The following ZG16B variants were observed in gnomAD, a reference collection of about 807,000 sequenced individuals.
The protein encoded by ZG16B is zymogen granule protein 16B, also known as pancreatic adenocarcinoma up-regulated factor.
In ZG16B, 8 loss-of-function variants were observed where a neutral mutation model predicts 7.0. The observed-to-expected ratio is 1.15, with a 90% CI of 0.68 to 2.08. The LOEUF is 2.08. Among genes scored for constraint, ZG16B ranks in the 30% most tolerant of loss-of-function variants. ZG16B has a pLI of 0.00. For synonymous variants in ZG16B, 92 were observed against 86.1 expected, an observed-to-expected ratio of 1.07 and a Z score of -0.38; for missense variants, 232 against 211.0, an observed-to-expected ratio of 1.10 and a Z score of -0.62.
chr16:2,831,695 T>C (rs1475997236), intron 3 of ZG16B, 101 bp from the exon 4 acceptor site: 2 of 1,504,938 alleles, frequency 1.3e-6, no homozygotes, highest in Non-Finnish European at 1.8e-6. Flanking sequence ...CTGATGGTGC[T>C]GGACTCTCTG....
In ZG16B at chr16:2,832,138, A is replaced by C; in HGVS notation, c.498A>C (p.Ala166=). ...CACCAGTTAATCTCACATACTCAGC[A>C]AACTCACCCGTGGGTCGCTAGGGTG... ...TEPPVNLTYS[A]NSPVGR is the part of the protein sequence containing the mutation. The change falls in exon 4 of 4, where the codon GCA becomes GCC. Residue 166 remains alanine, a synonymous_variant. Transcript: ENST00000382280. 5 of 1,613,004 alleles carry C rather than the reference A, an allele frequency of 3.1e-6. No individual in the cohort carries two copies. The highest frequency in any genetic ancestry group is 4.2e-6 in the Non-Finnish European group (5 of 1,179,114).
rs1236227704 is a variant in ZG16B, at chr16:2,830,731, C to T, written c.90C>T (p.Thr30=). ...CTGGAGGAGGCAAGTATTTCAGCAC[C>T]ACTGAAGACTACGACCATGAAATCA... The part of the protein sequence containing the change: ...YGPGGGKYFS[T]TEDYDHEITG... Residue 30 remains threonine, a synonymous_variant, in exon 3 of 4, where the codon ACC becomes ACT. Transcript: ENST00000382280. 4 of 1,614,098 alleles carry T rather than the reference C, an allele frequency of 2.5e-6. No individual in the cohort carries two copies. Among genetic ancestry groups the T allele is most frequent in the South Asian group, 2.2e-5 (2 of 91,076 alleles).
chr16:2,831,722 A>G (rs2069257463), intron 3 of ZG16B, 74 bp from the exon 4 acceptor site: 1 of 1,539,048 alleles, frequency 6.5e-7, no homozygotes, highest in African/African-American at 1.4e-5. Flanking sequence ...GGGAAGGAGG[A>G]TGGGGGCGCT....
In ZG16B at chr16:2,830,399, T is replaced by A. The variant is rs1371057385; in HGVS notation, c.-27-16T>A. ...GCCCTTGCTTTGGAGTCAGGAGGCC[T>A]CTCTTCTTCCCACAGAGCCCTGGGA... is the stretch of plus-strand genomic sequence containing the variant. On this transcript the variant is annotated splice_polypyrimidine_tract_variant and intron_variant, in intron 1 of 3. Transcript: ENST00000382280. 1 of 1,604,998 alleles carries A rather than the reference T, an allele frequency of 6.2e-7. No individual in the cohort carries two copies. The highest frequency in any genetic ancestry group is 8.5e-7 in the Non-Finnish European group (1 of 1,175,688).
Position 2,830,555 on chromosome 16 carries a change from C to T in ZG16B, c.52+62C>T, listed in dbSNP as rs1337577181. 3 of 1,582,488 alleles carry T rather than the reference C, an allele frequency of 1.9e-6. No individual in the cohort carries two copies. The African/African-American group carries it at 4.0e-5, about 21-fold the overall frequency. ...TCCCTCCAGGAGAGCCAGGGACTCA[C>T]CCGGCCCTTGTCCCAGACTAACTCT... On this transcript the variant is annotated intron_variant, in intron 2 of 3. Coordinates refer to ENST00000382280, the MANE Select transcript of ZG16B (RefSeq NM_145252.3).
Position 2,832,090 on chromosome 16 carries a change from A to T in ZG16B, c.450A>T (p.Pro150=), listed in dbSNP as rs370609636. The T allele has an allele frequency of 1.1e-4, 173 of 1,614,068 alleles. 4 individuals carry two copies. In the East Asian group the frequency reaches 1.3e-3, roughly 12 times the overall value. ...GCATTGGCTTTGAATGGAATTATCC[A>T]CTAGAGGAGCCGACCACTGAGCCAC... ...IKSIGFEWNY[P]LEEPTTEPPV... The change falls in exon 4 of 4, where the codon CCA becomes CCT. Residue 150 remains proline (P), a synonymous_variant. Transcript: ENST00000382280.
rs778661027 is a variant in ZG16B at position 2,830,705 on chromosome 16, C to T, written c.64C>T (p.Pro22Ser). The change falls in exon 3 of 4, where the codon CCT (proline) becomes TCT (serine). Residue 22 changes from proline (P) to serine (S), a missense_variant. Coordinates refer to ENST00000382280, the MANE Select transcript of ZG16B (RefSeq NM_145252.3). ...TCTCTTTTCTTCAGAGATGTATGGC[C>T]CTGGAGGAGGCAAGTATTTCAGCAC... is the stretch of plus-strand genomic sequence containing the variant. The part of the protein sequence containing the change: ...GPTWAGKMYG[P>S]GGGKYFSTTE... The T allele has an allele frequency of 6.2e-7, 1 of 1,614,150 alleles. No individual in the cohort carries two copies. The highest frequency in any genetic ancestry group is 1.1e-5 in the South Asian group (1 of 91,080).
At position 2,831,791 on chromosome 16, in the gene ZG16B, C is replaced by T. The variant is rs778073854; in HGVS notation, c.156-5C>T. 6.2e-7 allele frequency: 1 copy of T among 1,608,290 alleles called. No individual in the cohort carries two copies. The highest frequency in any genetic ancestry group is 1.1e-5 in the South Asian group (1 of 90,628). ...TGGACGTCCAAAGCTTTGCCTCTCTCCCAGTGTCCAGGTGAAACTTGGAGA... is the reference window on the plus strand; with the variant it reads ...TGGACGTCCAAAGCTTTGCCTCTCTTCCAGTGTCCAGGTGAAACTTGGAGA... On this transcript the variant is annotated splice_polypyrimidine_tract_variant and splice_region_variant and intron_variant, in intron 3 of 3. Transcript: ENST00000382280.
chr16:2,832,118 G>T lies in ZG16B; in HGVS notation c.478G>T (p.Val160Phe), dbSNP rs1255464626. ...AGAGGAGCCGACCACTGAGCCACCAGTTAATCTCACATACTCAGCAAACTC... is the reference window on the plus strand; with the variant it reads ...AGAGGAGCCGACCACTGAGCCACCATTTAATCTCACATACTCAGCAAACTC... Reference protein sequence around the residue: ...PLEEPTTEPPVNLTYSANSPV... With the variant: ...PLEEPTTEPPFNLTYSANSPV... The change falls in exon 4 of 4, where the codon GTT becomes TTT. Residue 160 changes from valine (V) to phenylalanine (F), a missense_variant. Physicochemically the swap from Val to Phe is conservative, Grantham distance 50. Transcript: ENST00000382280. 1.2e-6 allele frequency: 2 copies of T among 1,614,104 alleles called. No individual in the cohort carries two copies. Among genetic ancestry groups the T allele is most frequent in the East Asian group, 4.5e-5 (2 of 44,882 alleles).
At chr16:2,831,603 G>C (rs1375802900) in intron 3 of ZG16B, among the ~76,000 whole-genome samples, 193 bp from the exon 4 acceptor site, 1 of 152,200 alleles carries the variant, frequency 6.6e-6, no homozygotes, top group Non-Finnish European at 1.5e-5. Context: ...GGAGAGGCTG[G>C]GTAACGAGCT....
Position 2,830,395 on chromosome 16 carries a change from G to T in ZG16B, c.-27-20G>T. 1 of 1,605,124 alleles carries T rather than the reference G, an allele frequency of 6.2e-7. No individual in the cohort carries two copies. Among genetic ancestry groups the T allele is most frequent in the South Asian group, 1.1e-5 (1 of 89,774 alleles). Reference sequence around the variant, plus strand: ...ACTGGCCCTTGCTTTGGAGTCAGGAGGCCTCTCTTCTTCCCACAGAGCCCT... The same window carrying T: ...ACTGGCCCTTGCTTTGGAGTCAGGATGCCTCTCTTCTTCCCACAGAGCCCT... On this transcript the variant is annotated intron_variant, in intron 1 of 3. Transcript: ENST00000382280.
chr16:2,832,100 C>A lies in ZG16B; in HGVS notation c.460C>A (p.Pro154Thr). The A allele has an allele frequency of 6.2e-7, 1 of 1,614,072 alleles. No homozygotes were observed. Among genetic ancestry groups the A allele is most frequent in the Non-Finnish European group, 8.5e-7 (1 of 1,180,012 alleles). ...GFEWNYPLEE[P>T]TTEPPVNLTY... ...TGAATGGAATTATCCACTAGAGGAG[C>A]CGACCACTGAGCCACCAGTTAATCT... The change falls in exon 4 of 4, where the codon CCG becomes ACG. Residue 154 changes from proline to threonine, a missense_variant. By Grantham distance (38) the Pro-to-Thr change is conservative. Coordinates refer to ENST00000382280, the MANE Select transcript of ZG16B (RefSeq NM_145252.3).
In ZG16B at chr16:2,832,167, T is replaced by TA. The variant is rs1391390633; in HGVS notation, c.*9dup. On this transcript the variant is annotated 3_prime_UTR_variant, in exon 4 of 4. Coordinates refer to ENST00000382280, the MANE Select transcript of ZG16B (RefSeq NM_145252.3). ...TCACCCGTGGGTCGCTAGGGTGGGG[T>TA]ATGGGGCCATCCGAGCTGAGGCCAT... 6.2e-7 allele frequency: 1 copy of TA among 1,607,438 alleles called. No homozygotes were observed. The highest frequency in any genetic ancestry group is 2.2e-5 in the East Asian group (1 of 44,734).
chr16:2,830,825 C>T (rs751666941), intron 3 of ZG16B, 29 bp downstream of exon 3: 12 of 1,606,614 alleles, frequency 7.5e-6, no homozygotes, highest in Middle Eastern at 1.8e-4. Context: ...ATGGGCCCAG[C>T]GCCATGTCCC....
chr16:2,832,029 G>C lies in ZG16B; in HGVS notation c.389G>C (p.Gly130Ala). 1 of 1,614,164 alleles carries C rather than the reference G, an allele frequency of 6.2e-7. No homozygotes were observed. The highest frequency in any genetic ancestry group is 8.5e-7 in the Non-Finnish European group (1 of 1,180,042). Residue 130 changes from glycine to alanine, a missense_variant, in exon 4 of 4, where the codon GGC (glycine) becomes GCC (alanine). Physicochemically the swap from Gly to Ala is moderately conservative, Grantham distance 60. Coordinates refer to ENST00000382280, the MANE Select transcript of ZG16B (RefSeq NM_145252.3). ...AGCCAAGAGGGGCAGGTGCTGGTGG[G>C]CATCTATGGCCAGTATCAACTCCTT... ...YPSQEGQVLVGIYGQYQLLGI... is the reference protein window; with the variant it reads ...YPSQEGQVLVAIYGQYQLLGI...
intron 3 of ZG16B, 21 bp downstream of exon 3, chr16:2,830,817 G>A (rs1218102566): frequency 3.7e-6 from 6 of 1,612,314 alleles, no homozygotes; most frequent in Non-Finnish European, 5.1e-6. Context: ...CTATGGTCAT[G>A]GGCCCAGCGC....
chr16:2,831,923 CG>C lies in ZG16B; in HGVS notation c.287del (p.Gly96ValfsTer56), dbSNP rs1247688855. ...KVFVAFQAFL[R>X]GMVMYTSKDR... is the part of the protein sequence containing the mutation. Reference sequence around the variant, plus strand: ...CTTTGTCGCCTTCCAAGCTTTCCTCCGGGGTATGGTCATGTACACCAGCAAG... The same window carrying C: ...CTTTGTCGCCTTCCAAGCTTTCCTCCGGGTATGGTCATGTACACCAGCAAG... On this transcript the variant is annotated frameshift_variant, in exon 4 of 4. Coordinates refer to ENST00000382280, the MANE Select transcript of ZG16B (RefSeq NM_145252.3). LOFTEE classifies it low-confidence loss of function (END_TRUNC). 1.2e-6 allele frequency: 2 copies of C among 1,613,968 alleles called. No homozygotes were observed. The highest frequency in any genetic ancestry group is 1.3e-5 in the African/African-American group (1 of 74,876).
Position 2,832,167 on chromosome 16 carries a change from T to C in ZG16B, c.*8T>C. ...TCACCCGTGGGTCGCTAGGGTGGGG[T>C]ATGGGGCCATCCGAGCTGAGGCCAT... On this transcript the variant is annotated 3_prime_UTR_variant, in exon 4 of 4. Coordinates refer to ENST00000382280, the MANE Select transcript of ZG16B (RefSeq NM_145252.3). 1.2e-6 allele frequency: 2 copies of C among 1,607,556 alleles called. No individual in the cohort carries two copies. The highest frequency in any genetic ancestry group is 1.8e-4 in the Middle Eastern group (1 of 5,572).
In ZG16B at chr16:2,831,937, G is replaced by A; in HGVS notation, c.297G>A (p.Met99Ile). Residue 99 changes from methionine (M) to isoleucine (I), a missense_variant, in exon 4 of 4, where the codon ATG becomes ATA. Physicochemically the swap from Met to Ile is conservative, Grantham distance 10. Coordinates refer to ENST00000382280, the MANE Select transcript of ZG16B (RefSeq NM_145252.3). ...AFQAFLRGMV[M>I]YTSKDRYFYF... ...AAGCTTTCCTCCGGGGTATGGTCAT[G>A]TACACCAGCAAGGACCGCTATTTCT... 1 of 1,614,158 alleles carries A rather than the reference G, an allele frequency of 6.2e-7. No homozygotes were observed. The highest frequency in any genetic ancestry group is 1.1e-5 in the South Asian group (1 of 91,078).
Sources: gnomAD v4.1 joint callset for allele counts (sites outside exome capture counted in the v4.1 genomes callset) on GRCh38, gnomAD v4.1.1 for gene constraint, MANE v1.5 for transcripts, NCBI Gene and HGNC (gene_info 2026-07-23, HGNC 2026-07-21) for gene names.